The following FARS2 variants were observed in gnomAD, a reference collection of about 807,000 sequenced individuals.
The protein encoded by FARS2 is phenylalanyl-tRNA synthetase 2, mitochondrial.
A neutral mutation model predicts 46.4 loss-of-function variants in FARS2; 40 were observed. The observed-to-expected ratio is 0.86, with a 90% CI of 0.67 to 1.12. The LOEUF is 1.12. FARS2 is among the 50% of genes most tolerant of loss of function. FARS2 has a pLI of 0.00. For synonymous variants in FARS2, 234 were observed against 214.9 expected (o/e 1.09, Z -0.78); for missense variants, 513 against 567.9 (o/e 0.90, Z 0.98).
intron 1 of FARS2, among the ~76,000 whole-genome samples, chr6:5,312,707 A>G (rs183940627): frequency 5.3e-4 from 80 of 152,318 alleles, no homozygotes; most frequent in African/African-American, 1.9e-3. Context: ...CTAAGTATCA[A>G]TTATAAGGAG....
At chr6:5,593,756 C>A (rs113642040) in intron 5 of FARS2, among the ~76,000 whole-genome samples, 4 of 152,116 alleles carry the variant, frequency 2.6e-5, no homozygotes, top group Admixed American at 2.0e-4. Context: ...CAGGCTCAGG[C>A]GAATTTTTTA....
At chr6:5,723,590 T>G (rs920504026) in intron 6 of FARS2, among the ~76,000 whole-genome samples, 1 of 152,240 alleles carries the variant, frequency 6.6e-6, no homozygotes, top group Admixed American at 6.5e-5. Context: ...TTCTCTCTCC[T>G]GTATACACTG....
chr6:5,687,815 A>G (rs1418217570), intron 6 of FARS2, among the ~76,000 whole-genome samples: 4 of 152,146 alleles, frequency 2.6e-5, no homozygotes, highest in Admixed American at 6.5e-5. Context: ...CATGATATTG[A>G]TTCTTCCTAC....
At chr6:5,609,807 A>G in intron 5 of FARS2, 1 of 1,244,466 alleles carries the variant, frequency 8.0e-7, no homozygotes, top group African/African-American at 1.5e-5. Flanking sequence ...GTTTTTCCAA[A>G]CTGTTCAAAA....
intron 4 of FARS2, among the ~76,000 whole-genome samples, chr6:5,473,854 G>A (rs1272297826): frequency 6.6e-6 from 1 of 152,208 alleles, no homozygotes; most frequent in Non-Finnish European, 1.5e-5. Flanking sequence ...CATAAGCAAA[G>A]ATCTCAGTGC....
At chr6:5,251,526 A>AAG in the FARS2 span, among the ~76,000 whole-genome samples, 1 of 152,168 alleles carries the variant, frequency 6.6e-6, no homozygotes, top group Non-Finnish European at 1.5e-5. Context: ...AGCAGGAGCA[A>AAG]GCAAGCGAGG....
At chr6:5,513,099 G>C (rs1018425120) in intron 4 of FARS2, among the ~76,000 whole-genome samples, 1 of 152,184 alleles carries the variant, frequency 6.6e-6, no homozygotes, top group Non-Finnish European at 1.5e-5. Context: ...CTAGGGGAGA[G>C]GGTGGACACT....
intron 2 of FARS2, among the ~76,000 whole-genome samples, chr6:5,377,980 A>T (rs1759489791): frequency 6.6e-6 from 1 of 152,230 alleles, no homozygotes; most frequent in Admixed American, 6.5e-5. Context: ...AGTTATAAAT[A>T]TTACATAATT....
chr6:5,345,871 G>A (rs1757198779), intron 1 of FARS2, among the ~76,000 whole-genome samples: 2 of 152,182 alleles, frequency 1.3e-5, no homozygotes, highest in Admixed American at 6.5e-5. Context: ...GTTATGAAGA[G>A]AATGGACTTT....
intron 4 of FARS2, among the ~76,000 whole-genome samples, chr6:5,506,800 G>A (rs1249260580): frequency 6.6e-5 from 10 of 152,162 alleles, no homozygotes; most frequent in African/African-American, 9.7e-5. Context: ...ATGGAGAATC[G>A]CTCTGAAAGT....
chr6:5,432,134 A>G (rs1342142389), intron 4 of FARS2, among the ~76,000 whole-genome samples: 1 of 149,720 alleles, frequency 6.7e-6, no homozygotes, highest in Non-Finnish European at 1.5e-5. Flanking sequence ...CCTGGCCAAC[A>G]TGGTGAAACC....
At chr6:5,684,626 C>A (rs1406862546) in intron 6 of FARS2, among the ~76,000 whole-genome samples, 1 of 152,152 alleles carries the variant, frequency 6.6e-6, no homozygotes, top group Non-Finnish European at 1.5e-5. Flanking sequence ...CCAAGCACTG[C>A]TTAGTGCTTC....
chr6:5,766,875 T>C (rs889341988), intron 6 of FARS2, among the ~76,000 whole-genome samples: 21 of 151,920 alleles, frequency 1.4e-4, no homozygotes, highest in Admixed American at 1.4e-3. Flanking sequence ...TCCCCTTTTC[T>C]GGATATCTTC....
intron 6 of FARS2, among the ~76,000 whole-genome samples, chr6:5,768,631 C>T (rs1762868483): frequency 6.6e-6 from 1 of 152,210 alleles, no homozygotes; most frequent in African/African-American, 2.4e-5. Context: ...CATATCTTCT[C>T]CAATACTTGT....
At chr6:5,714,797 G>A (rs1475637361) in intron 6 of FARS2, among the ~76,000 whole-genome samples, 7 of 152,058 alleles carry the variant, frequency 4.6e-5, no homozygotes, top group African/African-American at 7.2e-5. Context: ...GGCCGAGGTG[G>A]GTGGATAACC....
intron 4 of FARS2, among the ~76,000 whole-genome samples, chr6:5,499,851 C>T (rs1399082787): frequency 1.3e-5 from 2 of 152,172 alleles, no homozygotes; most frequent in Non-Finnish European, 2.9e-5. Context: ...TCACTAACTA[C>T]TTAAACTTTG....
intron 1 of FARS2, among the ~76,000 whole-genome samples, chr6:5,282,594 C>T (rs905153110): frequency 6.6e-6 from 1 of 152,080 alleles, no homozygotes; most frequent in South Asian, 2.1e-4. Context: ...CTGGAGTGTG[C>T]GATTTAGTCC....
At chr6:5,674,066 C>T (rs1209852054) in intron 6 of FARS2, among the ~76,000 whole-genome samples, 3 of 151,652 alleles carry the variant, frequency 2.0e-5, no homozygotes, top group South Asian at 2.1e-4. Context: ...TATCAGTGTT[C>T]GGTGATCCAG....
chr6:5,556,632 T>G (rs1771676693), intron 5 of FARS2, among the ~76,000 whole-genome samples: 1 of 151,706 alleles, frequency 6.6e-6, no homozygotes, highest in African/African-American at 2.4e-5. Context: ...TTTACATATT[T>G]GGATTATTGT....
Sources: gnomAD v4.1 joint callset for allele counts (sites outside exome capture counted in the v4.1 genomes callset) on GRCh38, gnomAD v4.1.1 for gene constraint, MANE v1.5 for transcripts, NCBI Gene and HGNC (gene_info 2026-07-23, HGNC 2026-07-21) for gene names.